The following PCDHGA3 variants were observed in gnomAD, a reference collection of about 807,000 sequenced individuals.
PCDHGA3 encodes protocadherin gamma-A3.
A neutral mutation model predicts 58.5 loss-of-function variants in PCDHGA3; 40 were observed. That is an observed-to-expected ratio of 0.68 (90% CI 0.53 to 0.89). PCDHGA3 has a LOEUF of 0.89. PCDHGA3 is among the 40% of genes least tolerant of loss of function. The probability of loss-of-function intolerance (pLI) is 0.00; values close to 1 mark genes in which losing one functional copy is unlikely to be tolerated. For missense variants in PCDHGA3, 1,223 were observed against 1,195.9 expected (o/e 1.02, Z -0.33); for synonymous variants, 530 against 525.7 (o/e 1.01, Z -0.11).
intron 1 of PCDHGA3, chr5:141,421,725 C>T: frequency 6.2e-7 from 1 of 1,613,960 alleles, no homozygotes; most frequent in Non-Finnish European, 8.5e-7. Context: ...TGGGCGTGAA[C>T]TCCCTCCAGA....
chr5:141,487,771 T>C lies in PCDHGA3; in HGVS notation c.2425-7036T>C. The C allele has an allele frequency of 1.3e-6, 2 of 1,537,446 alleles. No homozygotes were observed. Among genetic ancestry groups the C allele is most frequent in the South Asian group, 2.4e-5 (2 of 82,456 alleles). ...ACTATGTGGTAGACGCTGTGCTTTGTAACTGTTTCGTGAATTAACCAGAGT... is the reference window on the plus strand; with the variant it reads ...ACTATGTGGTAGACGCTGTGCTTTGCAACTGTTTCGTGAATTAACCAGAGT... On this transcript the variant is annotated intron_variant, in intron 1 of 3. Coordinates refer to ENST00000253812, the MANE Select transcript of PCDHGA3 (RefSeq NM_018916.4). This position sits in a 1 kb window ranked among gnomAD's most constrained non-coding sequence, Gnocchi z 5.0.
At chr5:141,398,019 A>T (rs2093601039) in intron 1 of PCDHGA3, 1 of 1,427,024 alleles carries the variant, frequency 7.0e-7, no homozygotes, top group Admixed American at 2.6e-5. Flanking sequence ...CGTTTCCTAA[A>T]CTGGAACTGG....
intron 1 of PCDHGA3, chr5:141,352,069 C>T (rs1469927143): frequency 6.2e-7 from 1 of 1,605,522 alleles, no homozygotes; most frequent in Non-Finnish European, 8.5e-7. Context: ...TGTCCTACCA[C>T]GTGCTGCAGG....
rs751905674 is a variant in PCDHGA3, at chr5:141,408,643, C to A, written c.2424+62186C>A. On this transcript the variant is annotated intron_variant, in intron 1 of 3. Coordinates refer to ENST00000253812, the MANE Select transcript of PCDHGA3 (RefSeq NM_018916.4). ...ATTTAGAAATTTTCGAATCTGCATCCGCTGGTACACGACTATCGCTTGACC... is the reference window on the plus strand; with the variant it reads ...ATTTAGAAATTTTCGAATCTGCATCAGCTGGTACACGACTATCGCTTGACC... 13 of 1,613,792 alleles carry A rather than the reference C, an allele frequency of 8.1e-6. No homozygotes were observed. The African/African-American group carries it at 1.6e-4, about 20-fold the overall frequency.
intron 1 of PCDHGA3, chr5:141,422,668 G>A: frequency 6.2e-7 from 1 of 1,607,686 alleles, no homozygotes; most frequent in Non-Finnish European, 8.5e-7. Context: ...CCTCGACCCG[G>A]ACAGCAAACA....
At chr5:141,410,516 C>T in intron 1 of PCDHGA3, 2 of 1,613,910 alleles carry the variant, frequency 1.2e-6, no homozygotes, top group Middle Eastern at 1.6e-4. Context: ...ATGCAGTGTG[C>T]CCCTACATTC....
rs980122657 is a variant in PCDHGA3, at chr5:141,511,379, C to G, written c.*206C>G. The G allele has an allele frequency of 2.9e-5, 34 of 1,169,842 alleles. No individual in the cohort carries two copies. The highest frequency in any genetic ancestry group is 3.9e-5 in the Non-Finnish European group (33 of 853,834). The allele number at this position is 1,169,842 out of a possible 1,614,324, so 72.5% of individuals were successfully genotyped here. ...GGGGGTTGAATATGCAAAAGCAGTT[C>G]CGCTGGGAACCCCCATCCAATCAAC... On this transcript the variant is annotated 3_prime_UTR_variant, in exon 4 of 4. Transcript: ENST00000253812.
At chr5:141,369,431 C>T (rs935831476) in intron 1 of PCDHGA3, among the ~76,000 whole-genome samples, 1 of 152,124 alleles carries the variant, frequency 6.6e-6, no homozygotes, top group Non-Finnish European at 1.5e-5. Flanking sequence ...ATTTGGGACG[C>T]TGAGGTGGGA....
intron 1 of PCDHGA3, chr5:141,372,773 T>C: frequency 1.2e-6 from 2 of 1,610,720 alleles, no homozygotes; most frequent in Non-Finnish European, 8.5e-7. Flanking sequence ...GTAATGACAA[T>C]CCAGAAATGC....
chr5:141,472,533 C>A (rs1200612581), intron 1 of PCDHGA3, among the ~76,000 whole-genome samples: 3 of 150,970 alleles, frequency 2.0e-5, no homozygotes, highest in African/African-American at 7.3e-5. Flanking sequence ...GAGTGAGACA[C>A]CATCTCAAGA....
chr5:141,405,477 T>A, intron 1 of PCDHGA3: 1 of 1,025,232 alleles, frequency 9.8e-7, no homozygotes, highest in Non-Finnish European at 1.4e-6. Context: ...TGGAATGCAG[T>A]GGTGTGATCT....
rs549266523 is a variant in PCDHGA3 at position 141,408,917 on chromosome 5, C to A, written c.2424+62460C>A. ...TTCTGTCAAGGATACCAATGATAAC[C>A]CCCCGGTTTTCAGCAGAGACGAATA... On this transcript the variant is annotated intron_variant, in intron 1 of 3. Coordinates refer to ENST00000253812, the MANE Select transcript of PCDHGA3 (RefSeq NM_018916.4). 12 of 1,613,366 alleles carry A rather than the reference C, an allele frequency of 7.4e-6. No homozygotes were observed. In the African/African-American group the frequency reaches 1.6e-4, roughly 22 times the overall value.
chr5:141,470,297 T>A (rs2099227289), intron 1 of PCDHGA3, among the ~76,000 whole-genome samples: 2 of 152,348 alleles, frequency 1.3e-5, no homozygotes, highest in Admixed American at 1.3e-4. Flanking sequence ...TAACTGTTTT[T>A]ATTCCATTTT....
In PCDHGA3 at chr5:141,491,163, C is replaced by T; in HGVS notation, c.2425-3644C>T. On this transcript the variant is annotated intron_variant, in intron 1 of 3. Transcript: ENST00000253812. The surrounding 1 kb of genome is among the most constrained non-coding windows in gnomAD (Gnocchi z 6.9). ...CCTTACTGGAGGATGACTCTGACAC[C>T]CAGCAGGTGGTGGTCCTGGTGAGGG... is the stretch of plus-strand genomic sequence containing the variant. 1 of 1,614,092 alleles carries T rather than the reference C, an allele frequency of 6.2e-7. No homozygotes were observed. Among genetic ancestry groups the T allele is most frequent in the Non-Finnish European group, 8.5e-7 (1 of 1,179,950 alleles).
chr5:141,393,072 G>A (rs2092669892), intron 1 of PCDHGA3: 1 of 1,613,680 alleles, frequency 6.2e-7, no homozygotes. Flanking sequence ...CTTGATCACC[G>A]CGGGCAGGAT....
At chr5:141,365,071 C>T (rs184618404) in intron 1 of PCDHGA3, 6 of 1,613,868 alleles carry the variant, frequency 3.7e-6, no homozygotes, top group Non-Finnish European at 5.1e-6. Flanking sequence ...CATCCGAGTA[C>T]AGCGTGAGTG....
chr5:141,422,479 A>G, intron 1 of PCDHGA3: 1 of 1,613,890 alleles, frequency 6.2e-7, no homozygotes, highest in Non-Finnish European at 8.5e-7. Flanking sequence ...GTTGGTCCAG[A>G]GCTACAATAT....
chr5:141,422,390 C>T, intron 1 of PCDHGA3: 1 of 1,591,016 alleles, frequency 6.3e-7, no homozygotes, highest in Non-Finnish European at 8.5e-7. Flanking sequence ...TGTTTTATTC[C>T]TAACCACCTG....
intron 1 of PCDHGA3, chr5:141,422,813 TAGAACTG>T: frequency 6.2e-7 from 1 of 1,614,192 alleles, no homozygotes; most frequent in Non-Finnish European, 8.5e-7. Flanking sequence ...TTTCGAGACT[TAGAACTG>T]AGAGTGATAG....
Sources: allele counts gnomAD v4.1 joint callset (sites outside exome capture counted in the v4.1 genomes callset), GRCh38; gene constraint gnomAD v4.1.1; non-coding constraint Gnocchi (gnomAD v3.1); transcripts MANE v1.5; gene names NCBI Gene and HGNC (gene_info 2026-07-23, HGNC 2026-07-21).